DCLK1: variants seen among roughly 807,000 people sequenced by gnomAD.
DCLK1 encodes serine/threonine-protein kinase DCLK1.
A neutral mutation model predicts 86.2 loss-of-function variants in DCLK1; 16 were observed. The observed-to-expected ratio is 0.19, with a 90% CI of 0.13 to 0.28. DCLK1 has a LOEUF of 0.28. DCLK1 is among the 10% of genes least tolerant of loss of function. The pLI is 1.00. For synonymous variants in DCLK1, 369 were observed against 370.5 expected (o/e 1.00, Z 0.05); for missense variants, 590 against 940.2 (o/e 0.63, Z 4.87).
chr13:36,130,060 G>C (rs1002260240), intron 1 of DCLK1, among the ~76,000 whole-genome samples: 2 of 152,080 alleles, frequency 1.3e-5, no homozygotes, highest in Non-Finnish European at 2.9e-5. Context: ...AGGTGGACTG[G>C]CATGAAATAA....
intron 3 of DCLK1, among the ~76,000 whole-genome samples, chr13:35,977,890 C>T (rs998995514): frequency 2.0e-5 from 3 of 151,902 alleles, no homozygotes; most frequent in Non-Finnish European, 4.4e-5. Flanking sequence ...AGTCAAGGTT[C>T]GGAAGCCATC....
chr13:36,065,861 G>A, intron 3 of DCLK1, among the ~76,000 whole-genome samples: 1 of 152,148 alleles, frequency 6.6e-6, no homozygotes, highest in Admixed American at 6.5e-5. Flanking sequence ...AAGAATAGAG[G>A]ATATAAAATT....
At chr13:35,815,104 T>A (rs2153103741) in intron 11 of DCLK1, among the ~76,000 whole-genome samples, 1 of 152,298 alleles carries the variant, frequency 6.6e-6, no homozygotes, top group Admixed American at 6.5e-5. Flanking sequence ...CACACTGGTA[T>A]TTTGCACAGG....
chr13:35,838,031 A>C (rs1303841379), intron 7 of DCLK1, among the ~76,000 whole-genome samples: 5 of 150,720 alleles, frequency 3.3e-5, no homozygotes, highest in Non-Finnish European at 7.4e-5. Context: ...GTGTCATTGC[A>C]CTCTAGCCTG....
intron 4 of DCLK1, among the ~76,000 whole-genome samples, chr13:35,889,460 G>T (rs988388317): frequency 1.3e-5 from 2 of 151,994 alleles, no homozygotes; most frequent in African/African-American, 4.8e-5. Context: ...TGTCTTTCCT[G>T]GACAACCACT....
At chr13:36,059,428 A>G (rs1282722707) in intron 3 of DCLK1, among the ~76,000 whole-genome samples, 3 of 152,224 alleles carry the variant, frequency 2.0e-5, no homozygotes, top group Non-Finnish European at 2.9e-5. Context: ...GCAGTTTATA[A>G]GGCACTATTC....
At chr13:35,947,894 T>C (rs770827227) in intron 3 of DCLK1, among the ~76,000 whole-genome samples, 6 of 152,380 alleles carry the variant, frequency 3.9e-5, no homozygotes, top group Non-Finnish European at 7.3e-5. Context: ...ACTTCTCTCA[T>C]GATATGAACA....
intron 6 of DCLK1, among the ~76,000 whole-genome samples, chr13:35,853,685 G>C (rs959672007): frequency 1.3e-5 from 2 of 152,188 alleles, no homozygotes; most frequent in African/African-American, 4.8e-5. Flanking sequence ...GCTTATTAAA[G>C]TGTTCAGTGA....
intron 4 of DCLK1, among the ~76,000 whole-genome samples, chr13:35,909,219 C>CT (rs1874858974): frequency 6.6e-6 from 1 of 152,188 alleles, no homozygotes; most frequent in Admixed American, 6.5e-5. Context: ...GCTGAGCCTC[C>CT]TGGGGGCTCC....
chr13:35,878,948 G>A (rs1457748242), intron 4 of DCLK1, among the ~76,000 whole-genome samples: 1 of 152,090 alleles, frequency 6.6e-6, no homozygotes, highest in Non-Finnish European at 1.5e-5. Flanking sequence ...GCCATGCCCA[G>A]CTGATTTTTG....
At chr13:35,818,356 G>A (rs910613917) in intron 11 of DCLK1, among the ~76,000 whole-genome samples, 1 of 152,146 alleles carries the variant, frequency 6.6e-6, no homozygotes, top group African/African-American at 2.4e-5. Context: ...ACCTGTCATC[G>A]TCATTTGGGT....
chr13:35,808,627 T>C (rs760502162), intron 13 of DCLK1, among the ~76,000 whole-genome samples: 14 of 152,066 alleles, frequency 9.2e-5, no homozygotes, highest in South Asian at 8.3e-4. Flanking sequence ...CTACTAAAAA[T>C]ACAAAAAGTA....
At chr13:35,788,295 G>C (rs1318255574) in intron 16 of DCLK1, 10 of 1,613,606 alleles carry the variant, frequency 6.2e-6, no homozygotes, top group South Asian at 1.1e-5. Context: ...GCTGAGCAGA[G>C]AGAAATGGGG....
intron 3 of DCLK1, among the ~76,000 whole-genome samples, chr13:35,969,422 A>G (rs1162708772): frequency 3.9e-5 from 6 of 152,224 alleles, no homozygotes; most frequent in African/African-American, 1.4e-4. Flanking sequence ...GGTAGCCACA[A>G]GCCAAGGATA....
chr13:35,787,929 C>T (rs956477557), intron 16 of DCLK1: 12 of 398,430 alleles, frequency 3.0e-5, no homozygotes, highest in Non-Finnish European at 4.7e-5. Flanking sequence ...CAGGAAAATG[C>T]TTTGGCATTA....
At chr13:35,914,100 T>C (rs1353901875) in intron 4 of DCLK1, among the ~76,000 whole-genome samples, 1 of 151,810 alleles carries the variant, frequency 6.6e-6, no homozygotes, top group Non-Finnish European at 1.5e-5. Flanking sequence ...GGAGGATCTC[T>C]TGAGCCCAGA....
intron 6 of DCLK1, among the ~76,000 whole-genome samples, chr13:35,839,788 G>A (rs949074551): frequency 5.9e-5 from 2 of 34,018 alleles, no homozygotes; most frequent in Non-Finnish European, 1.1e-4. Context: ...CCTAGGCCTT[G>A]TAATTTTGTT....
At chr13:35,808,898 C>A in intron 13 of DCLK1, 120 bp downstream of exon 13, 3 of 668,696 alleles carry the variant, frequency 4.5e-6, no homozygotes, top group South Asian at 7.1e-5. Flanking sequence ...ACAGGGATTG[C>A]AAGTAAAGTT....
chr13:35,943,046 G>C (rs1877171124), intron 4 of DCLK1, among the ~76,000 whole-genome samples: 1 of 152,164 alleles, frequency 6.6e-6, no homozygotes, highest in Non-Finnish European at 1.5e-5. Flanking sequence ...TCCGAATCCT[G>C]GTACCTTTGA....
Sources: allele counts gnomAD v4.1 joint callset (sites outside exome capture counted in the v4.1 genomes callset), GRCh38; gene constraint gnomAD v4.1.1; transcripts MANE v1.5; gene names NCBI Gene and HGNC (gene_info 2026-07-23, HGNC 2026-07-21).